The following CHSY3 variants were observed in gnomAD, a reference collection of about 807,000 sequenced individuals.
CHSY3 encodes the protein N-acetylgalactosaminyl-proteoglycan 3-beta-glucuronosyltransferase 3.
In CHSY3, 35 loss-of-function variants were observed where a neutral mutation model predicts 67.2. That is an observed-to-expected ratio of 0.52 (90% CI 0.40 to 0.69). CHSY3 has a LOEUF of 0.69. Ranked by LOEUF, CHSY3 falls within the 30% of genes least tolerant of loss-of-function variation. CHSY3 has a pLI of 0.00. For synonymous variants in CHSY3, 474 were observed against 434.7 expected (o/e 1.09, Z -1.12); for missense variants, 1,069 against 1,138.5 (o/e 0.94, Z 0.88).
chr5:130,165,563 T>A (rs974465571), intron 2 of CHSY3, among the ~76,000 whole-genome samples: 1 of 152,016 alleles, frequency 6.6e-6, no homozygotes, highest in Non-Finnish European at 1.5e-5. Flanking sequence ...AACTTCTCCA[T>A]GTTTAGAAAA....
At chr5:129,987,838 G>A (rs1047870715) in intron 2 of CHSY3, among the ~76,000 whole-genome samples, 3 of 152,138 alleles carry the variant, frequency 2.0e-5, no homozygotes, top group Non-Finnish European at 2.9e-5. Context: ...CATACTAAAT[G>A]TGTTGGAAAA....
intron 2 of CHSY3, among the ~76,000 whole-genome samples, chr5:130,151,188 G>A (rs1769223023): frequency 6.6e-6 from 1 of 152,202 alleles, no homozygotes; most frequent in Non-Finnish European, 1.5e-5. Flanking sequence ...ATCCACTAAG[G>A]TACTGCAGCC....
intron 2 of CHSY3, among the ~76,000 whole-genome samples, chr5:130,055,683 G>A (rs1765507759): frequency 6.6e-6 from 1 of 151,964 alleles, no homozygotes; most frequent in African/African-American, 2.4e-5. Context: ...TTTTGAACAG[G>A]AGAACAACAG....
chr5:129,944,868 G>A (rs1761805153), intron 2 of CHSY3, among the ~76,000 whole-genome samples: 5 of 152,058 alleles, frequency 3.3e-5, no homozygotes, highest in African/African-American at 1.2e-4. Flanking sequence ...TCTTTTCTCT[G>A]TATATTTCAC....
rs1315391165 is a variant in CHSY3 at position 129,908,357 on chromosome 5, C to T, written c.1083C>T (p.Tyr361=). 4 of 1,613,602 alleles carry T rather than the reference C, an allele frequency of 2.5e-6. No individual in the cohort carries two copies. The highest frequency in any genetic ancestry group is 1.3e-5 in the African/African-American group (1 of 74,916). Residue 361 remains tyrosine (Y), a synonymous_variant, in exon 2 of 3, where the codon TAC becomes TAT. Coordinates refer to ENST00000305031, the MANE Select transcript of CHSY3 (RefSeq NM_175856.5). Reference sequence around the variant, plus strand: ...GTGGGACTCAGTGTGTCTGGTCTTACGAGGTAAGCATGGAGCTGTGATGAA... The same window carrying T: ...GTGGGACTCAGTGTGTCTGGTCTTATGAGGTAAGCATGGAGCTGTGATGAA... ...RFGGTQCVWS[Y]EMQQLFHENY... is the part of the protein sequence containing the mutation.
chr5:129,976,516 T>C (rs1762811826), intron 2 of CHSY3, among the ~76,000 whole-genome samples: 1 of 152,170 alleles, frequency 6.6e-6, no homozygotes, highest in Admixed American at 6.6e-5. Context: ...CTTAGGACGC[T>C]AGAATAAAAT....
chr5:130,001,552 T>A, intron 2 of CHSY3: 2 of 883,500 alleles, frequency 2.3e-6, no homozygotes, highest in Non-Finnish European at 2.7e-6. Flanking sequence ...CCATGGAGAG[T>A]CCCTCCTGTC....
chr5:130,062,313 A>C (rs1337245594), intron 2 of CHSY3, among the ~76,000 whole-genome samples: 1 of 152,128 alleles, frequency 6.6e-6, no homozygotes, highest in Non-Finnish European at 1.5e-5. Flanking sequence ...ACCAAATACA[A>C]AATATTTTCA....
chr5:130,163,067 C>A (rs1360541394), intron 2 of CHSY3, among the ~76,000 whole-genome samples: 1 of 152,028 alleles, frequency 6.6e-6, no homozygotes, highest in East Asian at 1.9e-4. Context: ...CCAGCCCTAC[C>A]CCACCCATGA....
At chr5:130,112,600 A>G (rs1203810625) in intron 2 of CHSY3, among the ~76,000 whole-genome samples, 1 of 152,136 alleles carries the variant, frequency 6.6e-6, no homozygotes, top group African/African-American at 2.4e-5. Flanking sequence ...TTTAATTATA[A>G]GAACAATATA....
At chr5:129,993,869 T>C (rs1434365190) in intron 2 of CHSY3, among the ~76,000 whole-genome samples, 1 of 151,812 alleles carries the variant, frequency 6.6e-6, no homozygotes, top group African/African-American at 2.4e-5. Flanking sequence ...TTTCCATGTT[T>C]AGTGCTTCCT....
intron 2 of CHSY3, chr5:130,140,838 A>G (rs975106688): frequency 7.7e-6 from 2 of 260,870 alleles, no homozygotes; most frequent in African/African-American, 4.6e-5. Context: ...TGTGCTAAGC[A>G]TATTCTCTCT....
At chr5:129,962,228 C>T (rs550243610) in intron 2 of CHSY3, among the ~76,000 whole-genome samples, 119 of 152,104 alleles carry the variant, frequency 7.8e-4, no homozygotes, top group Non-Finnish European at 1.5e-3. Flanking sequence ...TCAAGCCTTG[C>T]CTTTTCTTCT....
At position 129,972,015 on chromosome 5, in the gene CHSY3, T is replaced by G. The variant is rs570401565; in HGVS notation, c.1086+63655T>G. Among the ~76,000 whole-genome samples the G allele has an allele frequency of 2.6e-5, 4 of 152,172 alleles. No homozygotes were observed. In the South Asian group the frequency reaches 8.3e-4, roughly 32 times the overall value. ...TGAAGGGCTGCTTCCCCTAGAGCACTTCTAACTGTGCCTTGTTTAACCAAC... is the reference window on the plus strand; with the variant it reads ...TGAAGGGCTGCTTCCCCTAGAGCACGTCTAACTGTGCCTTGTTTAACCAAC... On this transcript the variant is annotated intron_variant, in intron 2 of 2. Transcript: ENST00000305031.
chr5:129,938,523 T>A (rs534194313), intron 2 of CHSY3, among the ~76,000 whole-genome samples: 7 of 152,212 alleles, frequency 4.6e-5, no homozygotes, highest in African/African-American at 1.7e-4. Context: ...ATCTCTTTGT[T>A]CATGCATATG....
intron 2 of CHSY3, among the ~76,000 whole-genome samples, chr5:130,019,148 AT>A (rs34384947): frequency 0.52 from 78,120 of 151,648 alleles, 20,796 homozygotes; most frequent in East Asian, 0.61. Flanking sequence ...GTAGAAAAAA[AT>A]TTTTTTTTCT....
intron 2 of CHSY3, among the ~76,000 whole-genome samples, chr5:130,094,739 T>G (rs1434849374): frequency 6.6e-6 from 1 of 152,144 alleles, no homozygotes; most frequent in Non-Finnish European, 1.5e-5. Context: ...AAATGAATCT[T>G]AACTATATTA....
At chr5:129,969,738 G>A (rs1762584144) in intron 2 of CHSY3, among the ~76,000 whole-genome samples, 1 of 151,740 alleles carries the variant, frequency 6.6e-6, no homozygotes, top group South Asian at 2.1e-4. Flanking sequence ...TTCAGTGGCG[G>A]AATAATTTTG....
chr5:130,093,120 T>A (rs980085137), intron 2 of CHSY3, among the ~76,000 whole-genome samples: 11 of 152,152 alleles, frequency 7.2e-5, no homozygotes, highest in African/African-American at 2.7e-4. Context: ...TATGGGACAA[T>A]TGGGTTAGTT....
Sources: allele counts gnomAD v4.1 joint callset (sites outside exome capture counted in the v4.1 genomes callset), GRCh38; gene constraint gnomAD v4.1.1; transcripts MANE v1.5; gene names NCBI Gene and HGNC (gene_info 2026-07-23, HGNC 2026-07-21).